The following ZNF791 variants were observed in gnomAD, a reference collection of about 807,000 sequenced individuals.
The protein encoded by ZNF791 is zinc finger protein 791.
In ZNF791, 4 loss-of-function variants were observed where a neutral mutation model predicts 11.5. The observed-to-expected ratio is 0.35, with a 90% confidence interval of 0.17 to 0.80. The LOEUF (loss-of-function observed/expected upper bound fraction) is 0.80. ZNF791 is among the 30% of genes least tolerant of loss of function. The pLI, the probability that ZNF791 is intolerant of heterozygous loss-of-function variation, is 0.53. For synonymous variants in ZNF791, 212 were observed against 228.1 expected, an observed-to-expected ratio of 0.93 and a Z score of 0.64; for missense variants, 559 against 699.4, an observed-to-expected ratio of 0.80 and a Z score of 2.26.
At chr19:12,624,577 G>T in intron 2 of ZNF791, 73 bp from the exon 3 acceptor site, 3 of 1,186,586 alleles carry the variant, frequency 2.5e-6, no homozygotes, top group Non-Finnish European at 3.5e-6. Flanking sequence ...ACAGCTCATT[G>T]TGAACCTATA....
intron 1 of ZNF791, among the ~76,000 whole-genome samples, chr19:12,614,294 C>T (rs1408305132): frequency 6.6e-6 from 1 of 152,026 alleles, no homozygotes; most frequent in East Asian, 1.9e-4. Flanking sequence ...AGTGCAGTGG[C>T]ACGATCTCGG....
intron 1 of ZNF791, among the ~76,000 whole-genome samples, chr19:12,619,298 G>T (rs934762681): frequency 6.6e-6 from 1 of 152,040 alleles, no homozygotes; most frequent in African/African-American, 2.4e-5. Flanking sequence ...AAGTGCAAAC[G>T]CACAATAAAT....
chr19:12,628,661 C>G lies in ZNF791; in HGVS notation c.1132C>G (p.His378Asp). 1 of 1,605,610 alleles carries G rather than the reference C, an allele frequency of 6.2e-7. No individual in the cohort carries two copies. The highest frequency in any genetic ancestry group is 8.5e-7 in the Non-Finnish European group (1 of 1,176,728). The change falls in exon 4 of 4, where the codon CAC (histidine) becomes GAC (aspartate). Residue 378 changes from histidine (H) to aspartate (D), a missense_variant. Physicochemically the swap from His to Asp is moderately conservative, Grantham distance 81. Coordinates refer to ENST00000343325, the MANE Select transcript of ZNF791 (RefSeq NM_153358.3). ...ISYFRIHERT[H>D]TGEKPYECKK... is the part of the protein sequence containing the mutation. Reference sequence around the variant, plus strand: ...TTACTTTCGAATACATGAAAGGACTCACACTGGAGAGAAACCCTACGAATG... The same window carrying G: ...TTACTTTCGAATACATGAAAGGACTGACACTGGAGAGAAACCCTACGAATG...
rs1029306055 is a variant in ZNF791 at position 12,611,145 on chromosome 19, G to T, written c.3+63G>T. 29 of 1,604,636 alleles carry T rather than the reference G, an allele frequency of 1.8e-5. No homozygotes were observed. In the African/African-American group the frequency reaches 3.3e-4, roughly 18 times the overall value. ...GATCGCGGGACCCGGGCCTCCCCAC[G>T]GTCACCTCCGGCCGCAGTGTGGGGC... On this transcript the variant is annotated intron_variant, in intron 1 of 3. Transcript: ENST00000343325.
Position 12,632,815 on chromosome 19 carries a change from G to A in ZNF791, c.*3555G>A, listed in dbSNP as rs1340393579. The A allele has an allele frequency of 6.6e-6, 1 of 151,920 alleles. No individual in the cohort carries two copies. The highest frequency in any genetic ancestry group is 2.4e-5 in the African/African-American group (1 of 41,344). The allele number at this position is 151,920 out of a possible 1,614,324, so 9.4% of individuals were successfully genotyped here. A position where few individuals can be genotyped will look rare whatever the true frequency, so the allele number is the denominator to read the frequency against. ...TAAATTAAAATATAATAAATTTCTT[G>A]CCGGGCGCAGTGGCTCACACCTGTA... On this transcript the variant is annotated 3_prime_UTR_variant, in exon 4 of 4. Transcript: ENST00000343325.
intron 1 of ZNF791, among the ~76,000 whole-genome samples, chr19:12,612,545 G>A (rs1361748094): frequency 6.7e-6 from 1 of 149,340 alleles, no homozygotes; most frequent in African/African-American, 2.5e-5. Flanking sequence ...GGGTTCAAGC[G>A]ATTCTCCTGC....
chr19:12,625,949 ATTC>A (rs906327119), intron 3 of ZNF791, among the ~76,000 whole-genome samples: 3 of 151,464 alleles, frequency 2.0e-5, no homozygotes, highest in East Asian at 2.0e-4. Context: ...GGTTCAAGCA[ATTC>A]TTCTGCCTCA....
rs1051381342 is a variant in ZNF791 at position 12,620,754 on chromosome 19, C to CTTTTTTTTTTTTT, written c.4-2934_4-2922dup. Among the ~76,000 whole-genome samples, 134 of 83,448 alleles carry CTTTTTTTTTTTTT rather than the reference C, an allele frequency of 1.6e-3. 14 individuals carry two copies. The highest frequency in any genetic ancestry group is 6.9e-3 in the African/African-American group (128 of 18,664). 54.7% of individuals were successfully genotyped at this position (83,448 alleles called of 152,430 possible). ...AAACTGGAGAAAGGGGATTTATGTT[C>CTTTTTTTTTTTTT]TTTTTTTTTTTTTTTTTTTTTTTTG... On this transcript the variant is annotated intron_variant, in intron 1 of 3. Transcript: ENST00000343325.
intron 1 of ZNF791, among the ~76,000 whole-genome samples, chr19:12,614,979 G>T (rs1308713327): frequency 8.0e-6 from 1 of 124,800 alleles, no homozygotes; most frequent in Non-Finnish European, 1.6e-5. Flanking sequence ...CCTGGCCTCA[G>T]GCCGTCCTCC....
At chr19:12,622,220 G>A (rs2023361253) in intron 1 of ZNF791, among the ~76,000 whole-genome samples, 1 of 138,418 alleles carries the variant, frequency 7.2e-6, no homozygotes, top group South Asian at 2.3e-4. Flanking sequence ...CACTGCGGAA[G>A]GCCGCAGGGT....
intron 1 of ZNF791, chr19:12,612,361 C>G (rs1358345395): frequency 6.6e-6 from 1 of 152,274 alleles, no homozygotes. Context: ...TTTCTGAAAG[C>G]AATAGTGGGT....
Position 12,628,115 on chromosome 19 carries a change from G to A in ZNF791, c.586G>A (p.Ala196Thr). Reference protein sequence around the residue: ...KPYECKQCGKALSCSSSLRVH... With the variant: ...KPYECKQCGKTLSCSSSLRVH... Reference sequence around the variant, plus strand: ...CTATGAATGTAAGCAATGTGGAAAAGCTCTTAGTTGTTCCAGTTCGCTTCG... The same window carrying A: ...CTATGAATGTAAGCAATGTGGAAAAACTCTTAGTTGTTCCAGTTCGCTTCG... The change falls in exon 4 of 4, where the codon GCT (alanine) becomes ACT (threonine). Residue 196 changes from alanine to threonine, a missense_variant. Coordinates refer to ENST00000343325, the MANE Select transcript of ZNF791 (RefSeq NM_153358.3). 1 of 1,614,178 alleles carries A rather than the reference G, an allele frequency of 6.2e-7. No homozygotes were observed. The highest frequency in any genetic ancestry group is 8.5e-7 in the Non-Finnish European group (1 of 1,180,028).
rs774048557 is a variant in ZNF791 at position 12,623,747 on chromosome 19, G to A, written c.51G>A (p.Glu17=). 2.8e-5 allele frequency: 45 copies of A among 1,613,850 alleles called. No individual in the cohort carries two copies. Among genetic ancestry groups the A allele is most frequent in the Non-Finnish European group, 1.6e-5 (19 of 1,179,964 alleles). ...TGTCTGTGAGCTTCAGCCAGGAGGA[G>A]TGGGCTCTGCTGGCTCCTTCACAGA... ...EDVSVSFSQE[E]WALLAPSQKK... The change falls in exon 2 of 4, where the codon GAG becomes GAA. Residue 17 remains glutamate, a synonymous_variant. Coordinates refer to ENST00000343325, the MANE Select transcript of ZNF791 (RefSeq NM_153358.3).
rs1568291387 is a variant in ZNF791, at chr19:12,629,267, T to C, written c.*7T>C. ...GAGAATGCACAATCGATAGAAACTC[T>C]ATAAATGTGAGAAATAGGAGAAAGT... On this transcript the variant is annotated 3_prime_UTR_variant, in exon 4 of 4. Coordinates refer to ENST00000343325, the MANE Select transcript of ZNF791 (RefSeq NM_153358.3). 1 of 1,436,414 alleles carries C rather than the reference T, an allele frequency of 7.0e-7. No individual in the cohort carries two copies. The highest frequency in any genetic ancestry group is 2.4e-5 in the East Asian group (1 of 41,620). 89.0% of individuals were successfully genotyped at this position (1,436,414 alleles called of 1,614,324 possible).
chr19:12,628,284 CCTT>C lies in ZNF791; in HGVS notation c.757_759del (p.Phe253del), dbSNP rs1395836887. 6.2e-7 allele frequency: 1 copy of C among 1,613,718 alleles called. No individual in the cohort carries two copies. The highest frequency in any genetic ancestry group is 8.5e-7 in the Non-Finnish European group (1 of 1,179,862). On this transcript the variant is annotated inframe_deletion, in exon 4 of 4. Coordinates refer to ENST00000343325, the MANE Select transcript of ZNF791 (RefSeq NM_153358.3). Reference sequence around the variant, plus strand: ...TATGCATGTAAGGAATGTGGGAAAGCCTTCATTTCCCACACAAGTGTTCTAACA... The same window carrying C: ...TATGCATGTAAGGAATGTGGGAAAGCCATTTCCCACACAAGTGTTCTAACA...
intron 1 of ZNF791, among the ~76,000 whole-genome samples, chr19:12,618,314 G>A (rs891031195): frequency 2.0e-5 from 3 of 151,766 alleles, no homozygotes; most frequent in African/African-American, 7.3e-5. Context: ...AGGGTTTTTT[G>A]GAGCCTAGGC....
At position 12,633,705 on chromosome 19, in the gene ZNF791, G is replaced by A. The variant is rs2023525078; in HGVS notation, c.*4445G>A. 6.6e-6 allele frequency: 1 copy of A among 152,052 alleles called. No individual in the cohort carries two copies. The highest frequency in any genetic ancestry group is 6.6e-5 in the Admixed American group (1 of 15,254). The allele number at this position is 152,052 out of a possible 1,614,324, so 9.4% of individuals were successfully genotyped here. A position where few individuals can be genotyped will look rare whatever the true frequency, so the allele number is the denominator to read the frequency against. On this transcript the variant is annotated 3_prime_UTR_variant, in exon 4 of 4. Coordinates refer to ENST00000343325, the MANE Select transcript of ZNF791 (RefSeq NM_153358.3). Reference sequence around the variant, plus strand: ...TGTCATGGTTGGCATTGTTCTCTGAGGTTCTGTCTTCCCTTTGTGTTTCTA... The same window carrying A: ...TGTCATGGTTGGCATTGTTCTCTGAAGTTCTGTCTTCCCTTTGTGTTTCTA...
rs1187495877 is a variant in ZNF791 at position 12,633,480 on chromosome 19, G to A, written c.*4220G>A. On this transcript the variant is annotated 3_prime_UTR_variant, in exon 4 of 4. Coordinates refer to ENST00000343325, the MANE Select transcript of ZNF791 (RefSeq NM_153358.3). ...TGGAACCCCACCATACAGGGAGACA[G>A]CCTGCTTCCTGCTCATTTTCCTGGT... 2.0e-5 allele frequency: 3 copies of A among 152,184 alleles called. No homozygotes were observed. The highest frequency in any genetic ancestry group is 4.4e-5 in the Non-Finnish European group (3 of 68,032). The allele number at this position is 152,184 out of a possible 1,614,324, so 9.4% of individuals were successfully genotyped here.
At chr19:12,621,843 G>C (rs371896699) in intron 1 of ZNF791, among the ~76,000 whole-genome samples, 1 of 133,614 alleles carries the variant, frequency 7.5e-6, no homozygotes, top group Admixed American at 7.4e-5. Flanking sequence ...CCACCACCCC[G>C]TCTGGGAGGT....
Sources: gnomAD v4.1 joint callset for allele counts (sites outside exome capture counted in the v4.1 genomes callset) on GRCh38, gnomAD v4.1.1 for gene constraint, MANE v1.5 for transcripts, NCBI Gene and HGNC (gene_info 2026-07-23, HGNC 2026-07-21) for gene names.